The following UBE2U variants were observed in gnomAD, a reference collection of about 807,000 sequenced individuals.
The protein encoded by UBE2U is ubiquitin-conjugating enzyme E2 U.
UBE2U carries 39 observed loss-of-function variants against 41.2 expected under a neutral mutation model. The observed-to-expected ratio is 0.95, with a 90% CI of 0.73 to 1.24. The LOEUF (loss-of-function observed/expected upper bound fraction) is 1.24, where lower values mean the gene tolerates loss of function less well. Ranked by LOEUF, UBE2U falls within the 50% of genes most tolerant of loss-of-function variation. UBE2U has a pLI of 0.00. For synonymous variants in UBE2U, 107 were observed against 117.8 expected (o/e 0.91, Z 0.60); for missense variants, 336 against 363.1 (o/e 0.93, Z 0.61).
At chr1:64,238,437 C>A (rs950911292) in intron 7 of UBE2U, among the ~76,000 whole-genome samples, 4 of 150,708 alleles carry the variant, frequency 2.7e-5, no homozygotes, top group Admixed American at 2.0e-4. Context: ...AAAGAAAAAT[C>A]TGCTAATGTT....
At chr1:64,230,140 TCTC>T (rs1316726882) in intron 6 of UBE2U, among the ~76,000 whole-genome samples, 3 of 152,146 alleles carry the variant, frequency 2.0e-5, no homozygotes, top group South Asian at 2.1e-4. Context: ...CTTCAACTCA[TCTC>T]CTCCCTTTCA....
At position 64,214,900 on chromosome 1, in the gene UBE2U, C is replaced by G. The variant is rs1340479167; in HGVS notation, c.425C>G (p.Thr142Arg). The G allele has an allele frequency of 1.2e-6, 2 of 1,614,078 alleles. No individual in the cohort carries two copies. Among genetic ancestry groups the G allele is most frequent in the Non-Finnish European group, 8.5e-7 (1 of 1,179,980 alleles). ...GTTAAAGATGAATCTCTGTACAGAA[C>G]AATTCTAAGACTTTTCAACAGGCCA... ...ILVKDESLYR[T>R]ILRLFNRPLQ... The change falls in exon 5 of 10, where the codon ACA becomes AGA. Residue 142 changes from threonine to arginine, a missense_variant. Transcript: ENST00000371077.
chr1:64,253,496 T>C (rs1303753021), intron 8 of UBE2U, among the ~76,000 whole-genome samples: 1 of 151,728 alleles, frequency 6.6e-6, no homozygotes, highest in Non-Finnish European at 1.5e-5. Flanking sequence ...AAGGAAAAAA[T>C]GTTCAGGGAA....
At chr1:64,237,727 A>G (rs897888462) in intron 7 of UBE2U, among the ~76,000 whole-genome samples, 3 of 152,212 alleles carry the variant, frequency 2.0e-5, no homozygotes, top group Admixed American at 1.3e-4. Flanking sequence ...ATTTGTACAA[A>G]GTACTGTGGC....
chr1:64,225,919 T>C (rs1652835501), intron 6 of UBE2U, among the ~76,000 whole-genome samples: 1 of 152,260 alleles, frequency 6.6e-6, no homozygotes, highest in African/African-American at 2.4e-5. Context: ...TCTTGTTTTA[T>C]CACTTTACAT....
chr1:64,267,014 C>T lies in UBE2U; in HGVS notation c.770-10C>T. 6.5e-7 allele frequency: 1 copy of T among 1,542,852 alleles called. No homozygotes were observed. Among genetic ancestry groups the T allele is most frequent in the East Asian group, 2.5e-5 (1 of 40,734 alleles). On this transcript the variant is annotated splice_polypyrimidine_tract_variant and intron_variant, in intron 9 of 9. Transcript: ENST00000371077. ...TATTAAATTTCTATTTTTTATAATT[C>T]CCACCACAGATGAAATTTTTCTTGA...
At chr1:64,260,731 A>C (rs705542) in intron 9 of UBE2U, 37 bp downstream of exon 9, 929,725 of 1,499,774 alleles carry the variant, frequency 0.62, 289,991 homozygotes, top group South Asian at 0.7. Flanking sequence ...GCTTTTATAA[A>C]TAACATATTA....
rs368474752 is a variant in UBE2U at position 64,241,722 on chromosome 1, A to G, written c.666A>G (p.Glu222=). 4.2e-5 allele frequency: 67 copies of G among 1,608,294 alleles called. No homozygotes were observed. The highest frequency in any genetic ancestry group is 5.4e-5 in the Non-Finnish European group (64 of 1,177,320). ...AAATGGATCTACAGCATCAGAAAGA[A>G]TGGAATTTAAAGTAAGAAATATGAA... The part of the protein sequence containing the change: ...WKKMDLQHQK[E]WNLKYSVIKC... The change falls in exon 8 of 10, where the codon GAA becomes GAG. Residue 222 remains glutamate (E), a synonymous_variant. Transcript: ENST00000371077.
intron 7 of UBE2U, among the ~76,000 whole-genome samples, chr1:64,239,099 GAA>G (rs1310740235): frequency 8.3e-4 from 5 of 5,996 alleles, no homozygotes; most frequent in Non-Finnish European, 1.6e-3. Flanking sequence ...AGAGGAAGAA[GAA>G]GAAGAAGAAG....
intron 5 of UBE2U, among the ~76,000 whole-genome samples, chr1:64,216,792 T>G (rs1269136532): frequency 1.3e-5 from 2 of 152,234 alleles, no homozygotes; most frequent in Non-Finnish European, 2.9e-5. Flanking sequence ...TGCCTCAGTG[T>G]ATTGACAAGA....
intron 9 of UBE2U, among the ~76,000 whole-genome samples, chr1:64,262,201 A>G (rs1223540959): frequency 5.9e-5 from 9 of 152,144 alleles, no homozygotes; most frequent in Admixed American, 2.0e-4. Context: ...CAGTTCGGGT[A>G]TTACCTTTTT....
intron 8 of UBE2U, among the ~76,000 whole-genome samples, chr1:64,248,552 G>C (rs2100494601): frequency 6.9e-6 from 1 of 144,638 alleles, no homozygotes; most frequent in South Asian, 2.3e-4. Context: ...CAAGCATTAG[G>C]GTTTTTCATT....
intron 5 of UBE2U, among the ~76,000 whole-genome samples, chr1:64,218,677 C>T (rs1316833837): frequency 6.6e-6 from 1 of 152,122 alleles, no homozygotes; most frequent in African/African-American, 2.4e-5. Context: ...TGCTTTTATA[C>T]TACTATTGCT....
chr1:64,247,259 A>G (rs2100489537), intron 8 of UBE2U, among the ~76,000 whole-genome samples: 1 of 152,192 alleles, frequency 6.6e-6, no homozygotes, highest in Admixed American at 6.5e-5. Context: ...GTTACCATGG[A>G]TTTCTGGTTG....
At chr1:64,244,369 T>C (rs758280106) in intron 8 of UBE2U, 8 of 707,838 alleles carry the variant, frequency 1.1e-5, no homozygotes, top group African/African-American at 1.9e-5. Flanking sequence ...GTTACATATA[T>C]AAAATAAAAA....
chr1:64,233,331 G>T (rs958566267), intron 7 of UBE2U, among the ~76,000 whole-genome samples: 57 of 151,904 alleles, frequency 3.8e-4, no homozygotes, highest in Admixed American at 5.9e-4. Flanking sequence ...TAGAGATGGG[G>T]TCTCACTATG....
At chr1:64,224,574 T>G (rs1652723203) in intron 6 of UBE2U, among the ~76,000 whole-genome samples, 1 of 151,908 alleles carries the variant, frequency 6.6e-6, no homozygotes, top group Non-Finnish European at 1.5e-5. Context: ...AATACAAAAA[T>G]TAGTTGGGCA....
intron 7 of UBE2U, among the ~76,000 whole-genome samples, chr1:64,239,157 A>AAGGAGAAGAAGAAGGAGAAGAAG: frequency 2.7e-5 from 1 of 37,064 alleles, no homozygotes; most frequent in African/African-American, 8.5e-5. Context: ...GAAGAAGAAG[A>AAGGAGAAGAAGAAGGAGAAGAAG]AAGAAGAAGA....
chr1:64,207,299 C>T lies in UBE2U; in HGVS notation c.241+443C>T, dbSNP rs564211962. ...CCCAGTAGCTGGGACTACAGGCATG[C>T]GCCACCACACCTGGCTAGTTTTTGT... On this transcript the variant is annotated intron_variant, in intron 3 of 9. Transcript: ENST00000371077. 8.6e-4 allele frequency among the ~76,000 whole-genome samples: 131 copies of T among 152,166 alleles called. 1 individual carries two copies. The highest frequency in any genetic ancestry group is 2.9e-3 in the African/African-American group (119 of 41,514).
Sources: gnomAD v4.1 joint callset for allele counts (sites outside exome capture counted in the v4.1 genomes callset) on GRCh38, gnomAD v4.1.1 for gene constraint, MANE v1.5 for transcripts, NCBI Gene and HGNC (gene_info 2026-07-23, HGNC 2026-07-21) for gene names.